Variants in SPHKAP observed in about 807,000 individuals in gnomAD.
SPHKAP encodes A-kinase anchor protein SPHKAP.
In SPHKAP, 67 loss-of-function variants were observed where a neutral mutation model predicts 137.5. That is an observed-to-expected ratio of 0.49 (90% CI 0.40 to 0.60). SPHKAP has a LOEUF of 0.60. Ranked by LOEUF, SPHKAP falls within the 20% of genes least tolerant of loss-of-function variation. The pLI is 0.00. For synonymous variants in SPHKAP, 813 were observed against 785.3 expected, an observed-to-expected ratio of 1.04 and a Z score of -0.59; for missense variants, 2,097 against 2,069.3, an observed-to-expected ratio of 1.01 and a Z score of -0.26.
At chr2:228,064,833 G>A (rs781663139) in intron 3 of SPHKAP, among the ~76,000 whole-genome samples, 4 of 152,186 alleles carry the variant, frequency 2.6e-5, no homozygotes, top group Non-Finnish European at 5.9e-5. Context: ...CTGTTGGAAG[G>A]GGCAAATTGC....
intron 1 of SPHKAP, among the ~76,000 whole-genome samples, chr2:228,166,038 A>G (rs2106420217): frequency 6.6e-6 from 1 of 152,348 alleles, no homozygotes; most frequent in Middle Eastern, 3.4e-3. Context: ...TGAGTCTGGC[A>G]GAGTGAGAAC....
intron 3 of SPHKAP, 38 bp downstream of exon 3, chr2:228,108,794 C>A: frequency 6.7e-7 from 1 of 1,498,634 alleles, no homozygotes; most frequent in Non-Finnish European, 9.2e-7. Context: ...CGCTTCCCTG[C>A]TTTATCAGAC....
intron 7 of SPHKAP, among the ~76,000 whole-genome samples, chr2:227,999,522 T>A (rs897322761): frequency 1.3e-5 from 2 of 152,210 alleles, no homozygotes; most frequent in African/African-American, 4.8e-5. Context: ...GACCAATTTC[T>A]TATTAAGTTA....
intron 3 of SPHKAP, among the ~76,000 whole-genome samples, chr2:228,069,019 C>A (rs1340798081): frequency 6.6e-6 from 1 of 152,144 alleles, no homozygotes; most frequent in African/African-American, 2.4e-5. Flanking sequence ...AAGATCCCAG[C>A]ACTTTTGGAG....
intron 3 of SPHKAP, among the ~76,000 whole-genome samples, chr2:228,058,475 G>A (rs541231405): frequency 6.6e-6 from 1 of 152,144 alleles, no homozygotes; most frequent in Non-Finnish European, 1.5e-5. Flanking sequence ...TTAAATTATA[G>A]CCAAACCAGA....
intron 2 of SPHKAP, among the ~76,000 whole-genome samples, chr2:228,114,527 A>C (rs746156426): frequency 1.3e-5 from 2 of 152,146 alleles, no homozygotes; most frequent in Non-Finnish European, 2.9e-5. Context: ...TGTGGGACTT[A>C]GTTTTTACGT....
intron 7 of SPHKAP, among the ~76,000 whole-genome samples, chr2:228,003,950 G>A (rs968522063): frequency 1.7e-4 from 26 of 152,142 alleles, no homozygotes; most frequent in African/African-American, 6.3e-4. Context: ...ATGTGCTGCT[G>A]GATTTGGTTT....
chr2:228,088,613 A>G (rs1368352976), intron 3 of SPHKAP, among the ~76,000 whole-genome samples: 4 of 152,224 alleles, frequency 2.6e-5, no homozygotes, highest in South Asian at 2.1e-4. Context: ...GTAATTTCCA[A>G]TGTTGGAGAA....
intron 2 of SPHKAP, among the ~76,000 whole-genome samples, chr2:228,114,168 A>G (rs1463997554): frequency 6.6e-6 from 1 of 152,176 alleles, no homozygotes; most frequent in Non-Finnish European, 1.5e-5. Flanking sequence ...AAGAGCTAAT[A>G]ATGAATGTTT....
chr2:228,123,672 T>C (rs1201413942), intron 2 of SPHKAP, among the ~76,000 whole-genome samples: 1 of 152,166 alleles, frequency 6.6e-6, no homozygotes, highest in Non-Finnish European at 1.5e-5. Context: ...AATAAAAATG[T>C]CTCTGTAGGT....
intron 11 of SPHKAP, among the ~76,000 whole-genome samples, chr2:227,982,672 C>T (rs183765078): frequency 2.4e-4 from 36 of 152,264 alleles, no homozygotes; most frequent in African/African-American, 7.9e-4. Context: ...ACACATGTAA[C>T]CTCATTCAAT....
intron 1 of SPHKAP, among the ~76,000 whole-genome samples, chr2:228,136,702 A>G (rs1417687632): frequency 1.3e-5 from 2 of 152,206 alleles, no homozygotes; most frequent in Non-Finnish European, 2.9e-5. Flanking sequence ...CATTAAACTC[A>G]GGTAATTTAT....
intron 3 of SPHKAP, among the ~76,000 whole-genome samples, chr2:228,101,426 A>G (rs1698178791): frequency 6.6e-6 from 1 of 152,192 alleles, no homozygotes; most frequent in Non-Finnish European, 1.5e-5. Flanking sequence ...TAGTTTATGA[A>G]GGATGCATGA....
chr2:228,117,727 T>C (rs542003775), intron 2 of SPHKAP, among the ~76,000 whole-genome samples: 1 of 152,150 alleles, frequency 6.6e-6, no homozygotes, highest in Non-Finnish European at 1.5e-5. Flanking sequence ...AATCAAGATA[T>C]AGAACAGTTT....
chr2:228,145,433 A>G (rs981571245), intron 1 of SPHKAP, among the ~76,000 whole-genome samples: 2 of 152,206 alleles, frequency 1.3e-5, no homozygotes, highest in African/African-American at 4.8e-5. Context: ...AGAACCAAAC[A>G]TGCAGCATGT....
At chr2:228,004,653 T>C (rs1235512487) in intron 7 of SPHKAP, among the ~76,000 whole-genome samples, 1 of 152,198 alleles carries the variant, frequency 6.6e-6, no homozygotes, top group Non-Finnish European at 1.5e-5. Context: ...GATGTTAGGG[T>C]GTCAATTTTA....
At chr2:228,134,266 A>G (rs1699366728) in intron 1 of SPHKAP, among the ~76,000 whole-genome samples, 1 of 151,804 alleles carries the variant, frequency 6.6e-6, no homozygotes, top group Non-Finnish European at 1.5e-5. Flanking sequence ...GGAAAGAAAT[A>G]AAGAAGGAAG....
At chr2:228,052,043 C>T (rs538976949) in intron 3 of SPHKAP, among the ~76,000 whole-genome samples, 4 of 152,166 alleles carry the variant, frequency 2.6e-5, no homozygotes, top group South Asian at 4.2e-4. Flanking sequence ...CCAACAAAAG[C>T]GAGCTCCAAT....
chr2:228,168,597 G>A (rs1256277209), intron 1 of SPHKAP, among the ~76,000 whole-genome samples: 2 of 152,160 alleles, frequency 1.3e-5, no homozygotes, highest in South Asian at 2.1e-4. Flanking sequence ...TTGTCTGATT[G>A]TTGTTCCACT....
Sources: allele counts gnomAD v4.1 joint callset (sites outside exome capture counted in the v4.1 genomes callset), GRCh38; gene constraint gnomAD v4.1.1; transcripts MANE v1.5; gene names NCBI Gene and HGNC (gene_info 2026-07-23, HGNC 2026-07-21).